The following IL1RAPL1 variants were observed in gnomAD, a reference collection of about 807,000 sequenced individuals.
IL1RAPL1 encodes the protein interleukin-1 receptor accessory protein-like 1.
In IL1RAPL1, 3 loss-of-function variants were observed where a neutral mutation model predicts 48.4. The observed-to-expected ratio is 0.06, with a 90% CI of 0.03 to 0.16. The LOEUF (loss-of-function observed/expected upper bound fraction) is 0.16, where lower values mean the gene tolerates loss of function less well. Ranked by LOEUF, IL1RAPL1 falls within the 10% of genes least tolerant of loss-of-function variation. The pLI is 1.00. For synonymous variants in IL1RAPL1, 185 were observed against 187.7 expected, an observed-to-expected ratio of 0.99 and a Z score of 0.12; for missense variants, 349 against 530.6, an observed-to-expected ratio of 0.66 and a Z score of 3.36.
At chrX:29,448,355 T>G (rs1202019336) in intron 5 of IL1RAPL1, among the ~76,000 whole-genome samples, 1 of 111,888 alleles carries the variant, frequency 8.9e-6, no homozygotes, top group Admixed American at 9.5e-5. Context: ...TTAGACCTTC[T>G]TCCTAGGCAA....
At chrX:29,252,119 G>A (rs1362453611) in intron 2 of IL1RAPL1, among the ~76,000 whole-genome samples, 3 of 108,277 alleles carry the variant, frequency 2.8e-5, no homozygotes, top group Admixed American at 1.9e-4. Context: ...CTGTTGTGGG[G>A]TAAGGGGAGG....
intron 2 of IL1RAPL1, among the ~76,000 whole-genome samples, chrX:28,844,592 A>G (rs1281201387): frequency 3.6e-5 from 4 of 110,302 alleles, no homozygotes; most frequent in African/African-American, 9.9e-5. Flanking sequence ...CTTACTTTAA[A>G]ATATGGTTAT....
chrX:29,166,456 T>C (rs1041443494), intron 2 of IL1RAPL1, among the ~76,000 whole-genome samples: 5 of 111,768 alleles, frequency 4.5e-5, no homozygotes, highest in African/African-American at 1.6e-4. Flanking sequence ...CTCCCTTGAA[T>C]CTCTGCATCT....
intron 5 of IL1RAPL1, chrX:29,574,387 G>A (rs549534808): frequency 1.1e-4 from 12 of 108,427 alleles, no homozygotes; most frequent in South Asian, 8.6e-4. Flanking sequence ...ATAACTTTCC[G>A]TCCCTGGCCC....
chrX:28,796,551 C>G (rs750379013), intron 2 of IL1RAPL1, among the ~76,000 whole-genome samples: 60 of 112,036 alleles, frequency 5.4e-4, no homozygotes, highest in South Asian at 4.5e-3. Flanking sequence ...GCAGGGCAGT[C>G]AAATCTTAAA....
At chrX:28,771,527 A>G (rs1445518901) in intron 1 of IL1RAPL1, among the ~76,000 whole-genome samples, 1 of 111,325 alleles carries the variant, frequency 9.0e-6, no homozygotes, top group Non-Finnish European at 1.9e-5. Context: ...CACATATATC[A>G]TAGTTCAGAA....
chrX:28,962,540 A>T (rs2147363279), intron 2 of IL1RAPL1, among the ~76,000 whole-genome samples: 1 of 111,487 alleles, frequency 9.0e-6, no homozygotes, highest in African/African-American at 3.2e-5. Context: ...TCACATGCAC[A>T]GAGAGCGCTC....
intron 2 of IL1RAPL1, among the ~76,000 whole-genome samples, chrX:28,842,698 T>C (rs1392490393): frequency 8.9e-6 from 1 of 112,051 alleles, no homozygotes; most frequent in Non-Finnish European, 1.9e-5. Context: ...AAAACTGATA[T>C]CTTTTACTTA....
In IL1RAPL1 at chrX:29,347,939, A is replaced by T. The variant is rs950428986; in HGVS notation, c.363-48319A>T. Among the ~76,000 whole-genome samples the T allele has an allele frequency of 3.6e-5, 4 of 111,550 alleles. No individual in the cohort carries two copies. The Admixed American group carries it at 3.8e-4, about 11-fold the overall frequency. On this transcript the variant is annotated intron_variant, in intron 3 of 10. Transcript: ENST00000378993. ...GACACACTGGACAAAGGCATGGTTC[A>T]TGTTTTGGGCAGACCAGAGCTGGAC...
intron 5 of IL1RAPL1, among the ~76,000 whole-genome samples, chrX:29,665,356 A>T (rs949260778): frequency 4.5e-5 from 5 of 112,274 alleles, no homozygotes; most frequent in African/African-American, 1.6e-4. Flanking sequence ...TTAAAATTGT[A>T]ATTTGTTTGA....
intron 2 of IL1RAPL1, among the ~76,000 whole-genome samples, chrX:28,936,380 C>T (rs1238035883): frequency 1.8e-5 from 2 of 109,812 alleles, no homozygotes; most frequent in South Asian, 7.9e-4. Context: ...CATGGTGGCA[C>T]GTGCCTGTAG....
chrX:29,488,958 A>G, intron 5 of IL1RAPL1, among the ~76,000 whole-genome samples: 1 of 111,560 alleles, frequency 9.0e-6, no homozygotes, highest in African/African-American at 3.3e-5. Context: ...GAGAGGGATC[A>G]GAGTCTTGAT....
chrX:29,646,223 C>T (rs1317080290), intron 5 of IL1RAPL1, among the ~76,000 whole-genome samples: 1 of 110,799 alleles, frequency 9.0e-6, no homozygotes, highest in Non-Finnish European at 1.9e-5. Flanking sequence ...CAATAAGTGA[C>T]CAGTACAATA....
intron 2 of IL1RAPL1, among the ~76,000 whole-genome samples, chrX:28,893,440 G>A (rs1297918394): frequency 9.0e-6 from 1 of 111,442 alleles, no homozygotes; most frequent in Non-Finnish European, 1.9e-5. Flanking sequence ...CCAAACCCAC[G>A]AATTATGTCT....
At chrX:28,959,669 G>A (rs1003282831) in intron 2 of IL1RAPL1, among the ~76,000 whole-genome samples, 1 of 112,017 alleles carries the variant, frequency 8.9e-6, no homozygotes, top group Non-Finnish European at 1.9e-5. Context: ...TGATTTGTAA[G>A]ATGTTTATGT....
intron 1 of IL1RAPL1, among the ~76,000 whole-genome samples, chrX:28,779,754 AT>A (rs1233097212): frequency 2.0e-5 from 2 of 101,791 alleles, no homozygotes; most frequent in Non-Finnish European, 4.0e-5. Context: ...ACTGTAAAAA[AT>A]ACTTTATCTT....
intron 2 of IL1RAPL1, among the ~76,000 whole-genome samples, chrX:28,855,993 A>G (rs747592884): frequency 8.9e-6 from 1 of 112,138 alleles, no homozygotes; most frequent in East Asian, 2.8e-4. Flanking sequence ...AATATTTAAT[A>G]CAAAATCTCC....
At chrX:29,475,327 A>T (rs991964392) in intron 5 of IL1RAPL1, among the ~76,000 whole-genome samples, 1 of 111,969 alleles carries the variant, frequency 8.9e-6, no homozygotes, top group Non-Finnish European at 1.9e-5. Flanking sequence ...AATACAGTTG[A>T]TTTATATTTT....
intron 1 of IL1RAPL1, among the ~76,000 whole-genome samples, chrX:28,765,159 G>C (rs1301072323): frequency 1.9e-5 from 2 of 107,329 alleles, no homozygotes; most frequent in African/African-American, 6.8e-5. Context: ...GTTGTGGGGT[G>C]GGGGTGGGGG....
Sources: allele counts gnomAD v4.1 joint callset (sites outside exome capture counted in the v4.1 genomes callset), GRCh38; gene constraint gnomAD v4.1.1; transcripts MANE v1.5; gene names NCBI Gene and HGNC (gene_info 2026-07-23, HGNC 2026-07-21).